The following DEAF1 variants were observed in gnomAD, a reference collection of about 807,000 sequenced individuals.
DEAF1 encodes DEAF1 transcription factor.
DEAF1 carries 53 observed loss-of-function variants against 58.9 expected under a neutral mutation model. That is an observed-to-expected ratio of 0.90 (90% CI 0.72 to 1.13). The LOEUF (loss-of-function observed/expected upper bound fraction) is 1.13. DEAF1 is among the 50% of genes most tolerant of loss of function. The pLI is 0.00. For synonymous variants in DEAF1, 385 were observed against 340.4 expected, an observed-to-expected ratio of 1.13 and a Z score of -1.44; for missense variants, 685 against 791.4, an observed-to-expected ratio of 0.87 and a Z score of 1.61.
chr11:664,177 C>T (rs1206532614), intron 10 of DEAF1, among the ~76,000 whole-genome samples: 4 of 151,576 alleles, frequency 2.6e-5, no homozygotes, highest in Non-Finnish European at 4.4e-5. Context: ...CACGCCATTG[C>T]ACTCCAGCCT....
intron 10 of DEAF1, among the ~76,000 whole-genome samples, chr11:672,748 T>G (rs1859885982): frequency 6.6e-6 from 1 of 151,946 alleles, no homozygotes; most frequent in Non-Finnish European, 1.5e-5. Flanking sequence ...TTCCGGAGGC[T>G]GAGGCAGGAG....
chr11:689,195 TC>T (rs1554944813), intron 2 of DEAF1, among the ~76,000 whole-genome samples: 2 of 142,338 alleles, frequency 1.4e-5, no homozygotes, highest in African/African-American at 5.3e-5. Flanking sequence ...TTTCTTTTTT[TC>T]TTTTTCTTTT....
upstream of DEAF1, chr11:698,905 C>A (rs1408501789): frequency 6.2e-7 from 1 of 1,614,028 alleles, no homozygotes; most frequent in Admixed American, 1.7e-5. Context: ...TGCTGCGTGC[C>A]CCTCCAGGAC....
chr11:651,713 T>C (rs1858780430), intron 11 of DEAF1, among the ~76,000 whole-genome samples: 1 of 152,092 alleles, frequency 6.6e-6, no homozygotes. Context: ...AGTGAAACCC[T>C]GTCTCTACTA....
At position 677,729 on chromosome 11, in the gene DEAF1, T is replaced by TGG. The variant is rs1217525313; in HGVS notation, c.1255+963_1255+964dup. Among the ~76,000 whole-genome samples, 19 of 79,058 alleles carry TGG rather than the reference T, an allele frequency of 2.4e-4. 5 individuals are homozygous for TGG. Among genetic ancestry groups the TGG allele is most frequent in the Middle Eastern group, 7.5e-3 (1 of 134 alleles). 51.9% of individuals were successfully genotyped at this position (79,058 alleles called of 152,430 possible). On this transcript the variant is annotated intron_variant, in intron 9 of 11. Coordinates refer to ENST00000382409, the MANE Select transcript of DEAF1 (RefSeq NM_021008.4). ...CAGCACTTTGGGAGGCCAAGGCAGG[T>TGG]GGATCATGAGGTCAGGAGTTTGAGA...
upstream of DEAF1, chr11:695,935 C>T (rs1861124462): frequency 2.0e-6 from 2 of 1,015,762 alleles, no homozygotes; most frequent in Admixed American, 8.6e-5. Flanking sequence ...GCTTTCGGTG[C>T]GCTCACGGGG....
intron 1 of DEAF1, among the ~76,000 whole-genome samples, chr11:692,853 C>CA (rs397953739): frequency 0.42 from 59,414 of 140,614 alleles, 12,819 homozygotes; most frequent in East Asian, 0.58. Flanking sequence ...AACTCCGTCT[C>CA]AAAAAAAAAA....
At chr11:705,519 TCC>T (rs1242252106) in intron 1 of DEAF1, 1 of 153,724 alleles carries the variant, frequency 6.5e-6, no homozygotes, top group Non-Finnish European at 1.4e-5. Flanking sequence ...GCCTGAGGTG[TCC>T]CCACCTCCCC....
intron 8 of DEAF1, among the ~76,000 whole-genome samples, chr11:679,314 CAA>C (rs35318035): frequency 5.9e-4 from 84 of 142,810 alleles, no homozygotes; most frequent in Admixed American, 5.6e-4. Flanking sequence ...GACTCCACCT[CAA>C]AAAAAAAAAA....
chr11:704,755 C>T (rs1861644445), intron 1 of DEAF1: 27 of 783,000 alleles, frequency 3.4e-5, no homozygotes, highest in South Asian at 3.3e-4. Flanking sequence ...CCCGAGAGGC[C>T]AGCCTGGACT....
At chr11:702,728 C>T (rs550507699) in intron 1 of DEAF1, among the ~76,000 whole-genome samples, 8 of 152,256 alleles carry the variant, frequency 5.3e-5, no homozygotes, top group Non-Finnish European at 8.8e-5. Context: ...TGCAGGGGCA[C>T]CTCCCCCAGG....
intron 10 of DEAF1, among the ~76,000 whole-genome samples, chr11:661,933 C>T (rs1211456170): frequency 6.6e-6 from 1 of 152,204 alleles, no homozygotes. Flanking sequence ...TTGTCCAACC[C>T]ACAGCCCGCG....
In DEAF1 at chr11:694,829, G is replaced by C; in HGVS notation, c.219C>G (p.Pro73=). The stretch of plus-strand genomic sequence containing the variant: ...CCTCGGCGCCCATGTCCATGTGCCC[G>C]GGCTCCGCCGCCATCACCGCCACTG... The part of the protein sequence containing the change: ...VTAVAVMAAE[P]GHMDMGAEAL... Residue 73 remains proline, a synonymous_variant, in exon 1 of 12, where the codon CCC becomes CCG. Transcript: ENST00000382409. The C allele has an allele frequency of 6.9e-7, 1 of 1,457,986 alleles. No individual in the cohort carries two copies. Among genetic ancestry groups the C allele is most frequent in the African/African-American group, 1.5e-5 (1 of 68,574 alleles). 90.3% of individuals were successfully genotyped at this position (1,457,986 alleles called of 1,614,324 possible).
At chr11:706,216 G>A (rs1411463961) in intron 1 of DEAF1, 2 of 151,840 alleles carry the variant, frequency 1.3e-5, no homozygotes, top group East Asian at 1.9e-4. Flanking sequence ...CTGGCGCCCC[G>A]GCCGAGGCGC....
At chr11:669,585 G>A (rs576489810) in intron 10 of DEAF1, among the ~76,000 whole-genome samples, 16 of 151,788 alleles carry the variant, frequency 1.1e-4, no homozygotes, top group African/African-American at 3.9e-4. Context: ...ATGGCGAGCC[G>A]AGATTGTGCC....
intron 6 of DEAF1, among the ~76,000 whole-genome samples, chr11:682,718 A>G (rs1324102555): frequency 3.3e-5 from 5 of 152,134 alleles, no homozygotes; most frequent in African/African-American, 1.2e-4. Flanking sequence ...CCTATGGGCA[A>G]TGTGGGTTGA....
In DEAF1 at chr11:644,652, G is replaced by A; in HGVS notation, c.1596C>T (p.Asp532=). Residue 532 remains aspartate, a splice_region_variant and synonymous_variant, in exon 12 of 12, where the codon GAC becomes GAT. Coordinates refer to ENST00000382409, the MANE Select transcript of DEAF1 (RefSeq NM_021008.4). The surrounding 1 kb of genome is among the most constrained non-coding windows in gnomAD (Gnocchi z 4.3). ...NYCSTFCQRK[D]WKDHQHICGQ... is the part of the protein sequence containing the mutation. ...CGCATATGTGCTGGTGATCCTTCCA[G>A]TCCTGGAAGGGAGGACACACCCATG... The A allele has an allele frequency of 1.2e-6, 2 of 1,608,140 alleles. No homozygotes were observed. Among genetic ancestry groups the A allele is most frequent in the Non-Finnish European group, 1.7e-6 (2 of 1,178,276 alleles).
chr11:674,675 T>A lies in DEAF1; in HGVS notation c.1364A>T (p.Tyr455Phe). 6.2e-7 allele frequency: 1 copy of A among 1,614,040 alleles called. No homozygotes were observed. Among genetic ancestry groups the A allele is most frequent in the Non-Finnish European group, 8.5e-7 (1 of 1,180,036 alleles). The change falls in exon 10 of 12, where the codon TAC becomes TTC. Residue 455 changes from tyrosine (Y) to phenylalanine (F), a missense_variant. This residue lies in a region of DEAF1 where 343 missense variants were observed against 379.8 expected (regional missense o/e 0.90). Transcript: ENST00000382409. ...LELSEPRSWL[Y>F]LEEMVNSLLN... ...CAAGGAGTTGACCATCTCTTCTAGGTACAGCCAGCTCCGCGGCTCTGACAG... is the reference window on the plus strand; with the variant it reads ...CAAGGAGTTGACCATCTCTTCTAGGAACAGCCAGCTCCGCGGCTCTGACAG...
chr11:644,446 C>T lies in DEAF1; in HGVS notation c.*104G>A, dbSNP rs1858382319. On this transcript the variant is annotated 3_prime_UTR_variant, in exon 12 of 12. Transcript: ENST00000382409. The surrounding 1 kb of genome is among the most constrained non-coding windows in gnomAD (Gnocchi z 4.3). ...CAGCAAGTTTCTTTACCTTCCCACACCCCTCTTCTCAACGTCCCCCCAGAG... is the reference window on the plus strand; with the variant it reads ...CAGCAAGTTTCTTTACCTTCCCACATCCCTCTTCTCAACGTCCCCCCAGAG... 1 of 836,676 alleles carries T rather than the reference C, an allele frequency of 1.2e-6. No individual in the cohort carries two copies. The highest frequency in any genetic ancestry group is 2.0e-6 in the Non-Finnish European group (1 of 506,574). 51.8% of individuals were successfully genotyped at this position (836,676 alleles called of 1,614,324 possible).
Sources: allele counts gnomAD v4.1 joint callset (sites outside exome capture counted in the v4.1 genomes callset), GRCh38; gene constraint gnomAD v4.1.1; regional missense constraint gnomAD v4.1.1; non-coding constraint Gnocchi (gnomAD v3.1); transcripts MANE v1.5; gene names NCBI Gene and HGNC (gene_info 2026-07-23, HGNC 2026-07-21).